TRDN: variants seen among roughly 807,000 people sequenced by gnomAD.
TRDN encodes triadin in skeletal muscle.
Under a neutral mutation model 149.7 loss-of-function variants are expected in TRDN, and 161 were observed. That is an observed-to-expected ratio of 1.08 (90% CI 0.95 to 1.23). The LOEUF (loss-of-function observed/expected upper bound fraction) is 1.23. Ranked by LOEUF, TRDN falls within the 50% of genes most tolerant of loss-of-function variation. The pLI, the probability that TRDN is intolerant of heterozygous loss-of-function variation, is 0.00. For missense variants in TRDN, 896 were observed against 823.5 expected (o/e 1.09, Z -1.08); for synonymous variants, 294 against 250.5 (o/e 1.17, Z -1.64).
chr6:123,397,039 C>T (rs1772758877), intron 12 of TRDN, among the ~76,000 whole-genome samples: 2 of 133,990 alleles, frequency 1.5e-5, no homozygotes, highest in South Asian at 5.8e-4. Context: ...GAGCATTCTC[C>T]CATCTCTGAA....
chr6:123,291,003 A>G (rs1777991756), intron 24 of TRDN, among the ~76,000 whole-genome samples: 1 of 152,034 alleles, frequency 6.6e-6, no homozygotes, highest in Non-Finnish European at 1.5e-5. Flanking sequence ...TTAAAAATAC[A>G]AAAATTAGCC....
At chr6:123,610,222 AAT>A (rs1784731627) in intron 1 of TRDN, among the ~76,000 whole-genome samples, 1 of 152,216 alleles carries the variant, frequency 6.6e-6, no homozygotes, top group South Asian at 2.1e-4. Flanking sequence ...TGTTAGAGAA[AAT>A]AGAGATAAAA....
At chr6:123,569,366 C>T (rs1011124803) in intron 2 of TRDN, among the ~76,000 whole-genome samples, 13 of 152,130 alleles carry the variant, frequency 8.5e-5, no homozygotes, top group African/African-American at 2.9e-4. Context: ...CTTCCTCTTC[C>T]TATCTTCTTC....
intron 1 of TRDN, among the ~76,000 whole-genome samples, chr6:123,595,493 G>T (rs1341551448): frequency 6.6e-6 from 1 of 152,038 alleles, no homozygotes; most frequent in African/African-American, 2.4e-5. Context: ...GAAATTAAAA[G>T]CATACAAGTA....
chr6:123,328,902 G>A (rs1169183934), intron 23 of TRDN, among the ~76,000 whole-genome samples: 1 of 152,104 alleles, frequency 6.6e-6, no homozygotes, highest in Non-Finnish European at 1.5e-5. Flanking sequence ...CAGCACCCCC[G>A]CAGCTTCTTT....
Position 123,337,630 on chromosome 6 carries a change from AG to A in TRDN, c.1408del (p.Leu470Ter), listed in dbSNP as rs767317626. 7.0e-7 allele frequency: 1 copy of A among 1,421,310 alleles called. No individual in the cohort carries two copies. The highest frequency in any genetic ancestry group is 1.4e-5 in the South Asian group (1 of 71,402). The allele number at this position is 1,421,310 out of a possible 1,614,324, so 88.0% of individuals were successfully genotyped here. On this transcript the variant is annotated frameshift_variant, in exon 22 of 41. Transcript: ENST00000334268. LOFTEE classifies it high-confidence loss of function. ...ATTAACTCTGTTACCTTTATCTTTC[AG>A]AATTGAAGAAGTCTTCCCAGATTTT... ...KEKSGKTSSILKDKEPIKGKE... is the reference protein window; with the variant it reads ...KEKSGKTSSIXKDKEPIKGKE...
chr6:123,244,516 G>A (rs984281499), intron 38 of TRDN, among the ~76,000 whole-genome samples: 1 of 152,064 alleles, frequency 6.6e-6, no homozygotes, highest in Admixed American at 6.6e-5. Flanking sequence ...TCAACTTAAT[G>A]AAATAAAATG....
Position 123,337,807 on chromosome 6 carries a change from G to A in TRDN, c.1370-138C>T. On this transcript the variant is annotated intron_variant, in intron 21 of 40. Transcript: ENST00000334268. Reference sequence around the variant, plus strand: ...GATATTCACAATACAAATGTCTCCAGGCATATGTTGTCTATAAGACATTGG... The same window carrying A: ...GATATTCACAATACAAATGTCTCCAAGCATATGTTGTCTATAAGACATTGG... 3 of 504,662 alleles carry A rather than the reference G, an allele frequency of 5.9e-6. No individual in the cohort carries two copies. The South Asian group carries it at 7.5e-5, about 13-fold the overall frequency. The allele number at this position is 504,662 out of a possible 1,614,324, so 31.3% of individuals were successfully genotyped here. A position where few individuals can be genotyped will look rare whatever the true frequency, so the allele number is the denominator to read the frequency against.
chr6:123,610,239 A>G (rs902296327), intron 1 of TRDN, among the ~76,000 whole-genome samples: 6 of 152,200 alleles, frequency 3.9e-5, no homozygotes, highest in Non-Finnish European at 7.3e-5. Context: ...ATAAAAATGA[A>G]TATACCAAAG....
intron 10 of TRDN, among the ~76,000 whole-genome samples, chr6:123,449,445 A>G (rs1483846573): frequency 1.3e-5 from 2 of 152,194 alleles, no homozygotes; most frequent in African/African-American, 4.8e-5. Context: ...CAGCAATAGA[A>G]TCGAACAATT....
At chr6:123,273,391 TAAATTACCTGC>T in intron 27 of TRDN, 28 bp from the exon 28 acceptor site, 1 of 921,264 alleles carries the variant, frequency 1.1e-6, no homozygotes, top group Non-Finnish European at 1.5e-6. Flanking sequence ...CATATTAGAT[TAAATTACCTGC>T]AAAATGGAGT....
intron 9 of TRDN, among the ~76,000 whole-genome samples, chr6:123,472,549 G>A (rs1388868310): frequency 6.6e-6 from 1 of 152,234 alleles, no homozygotes; most frequent in African/African-American, 2.4e-5. Flanking sequence ...AAACAAAGCA[G>A]CCGGGAAGCT....
intron 1 of TRDN, among the ~76,000 whole-genome samples, chr6:123,601,229 T>C (rs1357576672): frequency 6.6e-6 from 1 of 152,128 alleles, no homozygotes; most frequent in Non-Finnish European, 1.5e-5. Flanking sequence ...ACAGCAGAGA[T>C]AGAATTTAAG....
Position 123,377,911 on chromosome 6 carries a change from A to G in TRDN, c.1187-13T>C, listed in dbSNP as rs1393564551. 3 of 1,406,494 alleles carry G rather than the reference A, an allele frequency of 2.1e-6. No homozygotes were observed. The highest frequency in any genetic ancestry group is 4.4e-5 in the Admixed American group (2 of 45,350). 87.1% of individuals were successfully genotyped at this position (1,406,494 alleles called of 1,614,324 possible). A position where few individuals can be genotyped will look rare whatever the true frequency, so the allele number is the denominator to read the frequency against. On this transcript the variant is annotated splice_polypyrimidine_tract_variant and intron_variant, in intron 16 of 40. Coordinates refer to ENST00000334268, the MANE Select transcript of TRDN (RefSeq NM_006073.4). ...TTCTTTTCCTGTTCTGAAACATATT[A>G]TTATTGTTATTATTATTATCGTTAT...
At chr6:123,544,214 A>G (rs1780997610) in intron 4 of TRDN, among the ~76,000 whole-genome samples, 1 of 151,438 alleles carries the variant, frequency 6.6e-6, no homozygotes, top group South Asian at 2.1e-4. Flanking sequence ...TTAAAGATAC[A>G]AGTATTGAGA....
intron 21 of TRDN, among the ~76,000 whole-genome samples, chr6:123,340,374 A>G (rs1780021880): frequency 6.6e-6 from 1 of 152,128 alleles, no homozygotes; most frequent in Non-Finnish European, 1.5e-5. Context: ...ATGATCAAGT[A>G]TAAATTCAGT....
chr6:123,272,709 G>A (rs539594678), intron 29 of TRDN, among the ~76,000 whole-genome samples: 2 of 151,968 alleles, frequency 1.3e-5, no homozygotes, highest in South Asian at 2.1e-4. Flanking sequence ...CTAAGTGCTG[G>A]GTGACTATGG....
At chr6:123,518,166 T>C (rs1488459034) in intron 5 of TRDN, among the ~76,000 whole-genome samples, 1 of 152,112 alleles carries the variant, frequency 6.6e-6, no homozygotes, top group Non-Finnish European at 1.5e-5. Flanking sequence ...AATCAAAACC[T>C]AATGAGAAAA....
intron 5 of TRDN, among the ~76,000 whole-genome samples, chr6:123,527,792 T>G (rs1024190932): frequency 3.2e-4 from 49 of 151,830 alleles, no homozygotes; most frequent in African/African-American, 1.1e-3. Flanking sequence ...TAAAATAAAA[T>G]AAATTTCTAC....
Sources: gnomAD v4.1 joint callset for allele counts (sites outside exome capture counted in the v4.1 genomes callset) on GRCh38, gnomAD v4.1.1 for gene constraint, MANE v1.5 for transcripts, NCBI Gene and HGNC (gene_info 2026-07-23, HGNC 2026-07-21) for gene names.